The following C12orf42 variants were observed in gnomAD, a reference collection of about 807,000 sequenced individuals.
The protein encoded by C12orf42 is uncharacterized protein C12orf42.
Under a neutral mutation model 21.6 loss-of-function variants are expected in C12orf42, and 25 were observed. The observed-to-expected ratio is 1.16, with a 90% CI of 0.84 to 1.62. C12orf42 has a LOEUF of 1.62. Among genes scored for constraint, C12orf42 ranks in the 40% most tolerant of loss-of-function variants. The pLI, the probability that C12orf42 is intolerant of heterozygous loss-of-function variation, is 0.00. For synonymous variants in C12orf42, 174 were observed against 175.0 expected, an observed-to-expected ratio of 0.99 and a Z score of 0.05; for missense variants, 483 against 459.3, an observed-to-expected ratio of 1.05 and a Z score of -0.47.
the C12orf42 span, among the ~76,000 whole-genome samples, chr12:103,175,780 T>C: frequency 3.2e-4 from 48 of 152,334 alleles, no homozygotes; most frequent in African/African-American, 1.1e-3. Flanking sequence ...ATTTTCTTAA[T>C]GCTGATCTCT....
chr12:103,129,541 C>A, the C12orf42 span, among the ~76,000 whole-genome samples: 1 of 152,324 alleles, frequency 6.6e-6, no homozygotes, highest in East Asian at 1.9e-4. Context: ...ATTACTTTAA[C>A]AACCCTTCTT....
intron 4 of C12orf42, among the ~76,000 whole-genome samples, chr12:103,280,278 G>A (rs560009456): frequency 6.6e-6 from 1 of 152,274 alleles, no homozygotes; most frequent in African/African-American, 2.4e-5. Flanking sequence ...GGCAGGGTCT[G>A]TGCTGTGAGC....
intron 1 of C12orf42, among the ~76,000 whole-genome samples, chr12:103,480,668 G>C (rs10861024): frequency 0.81 from 123,194 of 151,368 alleles, 50,242 homozygotes; most frequent in Admixed American, 0.87. Flanking sequence ...ATTTTGATTC[G>C]TTAACCCATA....
chr12:103,055,852 AT>A, the C12orf42 span, among the ~76,000 whole-genome samples: 1 of 151,906 alleles, frequency 6.6e-6, no homozygotes, highest in African/African-American at 2.4e-5. Context: ...GTGTTTAGAG[AT>A]TTTTTCTGTC....
intron 4 of C12orf42, among the ~76,000 whole-genome samples, chr12:103,345,886 T>C (rs1325488806): frequency 6.6e-6 from 1 of 152,190 alleles, no homozygotes; most frequent in African/African-American, 2.4e-5. Context: ...TACTCTATGA[T>C]TACTACTGTA....
chr12:103,212,537 T>A, the C12orf42 span, among the ~76,000 whole-genome samples: 1 of 152,228 alleles, frequency 6.6e-6, no homozygotes, highest in Non-Finnish European at 1.5e-5. Context: ...AGGTTCAGAT[T>A]TTGGGGGGAG....
chr12:103,047,886 A>G, the C12orf42 span, among the ~76,000 whole-genome samples: 1 of 152,168 alleles, frequency 6.6e-6, no homozygotes. Context: ...TAGACACGGT[A>G]AGGTTTCTTT....
intron 10 of C12orf42, among the ~76,000 whole-genome samples, chr12:103,250,567 A>T (rs1221830788): frequency 6.6e-6 from 1 of 152,142 alleles, no homozygotes; most frequent in Non-Finnish European, 1.5e-5. Flanking sequence ...GCTCTTGTTC[A>T]TGAAATATTG....
intron 3 of C12orf42, among the ~76,000 whole-genome samples, chr12:103,398,469 T>C (rs1001554512): frequency 2.0e-5 from 3 of 152,166 alleles, no homozygotes; most frequent in Non-Finnish European, 4.4e-5. Flanking sequence ...TTGTAACTTG[T>C]CCTTTATTTT....
chr12:103,459,131 A>T (rs1243296227), intron 2 of C12orf42, among the ~76,000 whole-genome samples: 1 of 152,164 alleles, frequency 6.6e-6, no homozygotes, highest in Non-Finnish European at 1.5e-5. Context: ...AAAGTTGGCC[A>T]TAAGAGGGAT....
chr12:103,340,577 A>T (rs1369642278), intron 4 of C12orf42, among the ~76,000 whole-genome samples: 1 of 152,230 alleles, frequency 6.6e-6, no homozygotes, highest in African/African-American at 2.4e-5. Flanking sequence ...AATATCCAGC[A>T]CCCAAAAGGG....
intron 4 of C12orf42, among the ~76,000 whole-genome samples, chr12:103,340,843 GTGGCTCACGCC>G: frequency 6.6e-6 from 1 of 152,364 alleles, no homozygotes; most frequent in South Asian, 2.1e-4. Flanking sequence ...GCTGGGCGCA[GTGGCTCACGCC>G]TGTAATCCCA....
At chr12:103,439,027 C>T (rs1950978391) in intron 2 of C12orf42, among the ~76,000 whole-genome samples, 1 of 152,056 alleles carries the variant, frequency 6.6e-6, no homozygotes, top group Non-Finnish European at 1.5e-5. Context: ...GCTACAGTAA[C>T]CAAAACAGCA....
At chr12:103,488,729 C>T (rs1033379125) in intron 1 of C12orf42, among the ~76,000 whole-genome samples, 20 of 152,106 alleles carry the variant, frequency 1.3e-4, no homozygotes, top group South Asian at 2.1e-4. Context: ...CCGTTTCTTC[C>T]GCTTCTTGAA....
intron 4 of C12orf42, among the ~76,000 whole-genome samples, chr12:103,350,510 T>C (rs1021699046): frequency 6.6e-6 from 1 of 152,208 alleles, no homozygotes; most frequent in African/African-American, 2.4e-5. Flanking sequence ...TATTTTATTA[T>C]TAGTTATAGT....
At chr12:103,556,934 G>GAAA in the C12orf42 span, among the ~76,000 whole-genome samples, 1 of 122,684 alleles carries the variant, frequency 8.2e-6, no homozygotes, top group Non-Finnish European at 1.8e-5. Context: ...TAGTTATGCA[G>GAAA]AAAAAAAAAA....
chr12:103,437,663 C>T (rs1206835086), intron 2 of C12orf42, among the ~76,000 whole-genome samples: 1 of 151,740 alleles, frequency 6.6e-6, no homozygotes, highest in African/African-American at 2.4e-5. Context: ...AGAAGAAATG[C>T]ATAAATTCCT....
At chr12:103,223,365 G>A in the C12orf42 span, among the ~76,000 whole-genome samples, 1 of 152,144 alleles carries the variant, frequency 6.6e-6, no homozygotes, top group African/African-American at 2.4e-5. Flanking sequence ...AGAATGATTG[G>A]TGATGGCCTG....
chr12:103,285,175 G>C (rs2036367338), intron 4 of C12orf42, among the ~76,000 whole-genome samples: 2 of 152,208 alleles, frequency 1.3e-5, no homozygotes, highest in Admixed American at 1.3e-4. Context: ...AAGATACTTA[G>C]TTGTATAAGG....
Sources: allele counts gnomAD v4.1 joint callset (sites outside exome capture counted in the v4.1 genomes callset), GRCh38; gene constraint gnomAD v4.1.1; transcripts MANE v1.5; gene names NCBI Gene and HGNC (gene_info 2026-07-23, HGNC 2026-07-21).